Variants in WIPF1 observed in about 807,000 individuals in gnomAD.
WIPF1 encodes the protein WAS/WASL interacting protein family member 1, also known as WAS/WASL-interacting protein family member 1.
In WIPF1, 13 loss-of-function variants were observed where a neutral mutation model predicts 35.4. The ratio of observed to expected loss-of-function variants is 0.37; its 90% CI spans 0.24 to 0.58. The LOEUF is 0.58. Among genes scored for constraint, WIPF1 ranks in the 20% least tolerant of loss-of-function variants. WIPF1 has a pLI of 0.74. For synonymous variants in WIPF1, 267 were observed against 266.3 expected, an observed-to-expected ratio of 1.00 and a Z score of -0.02; for missense variants, 591 against 667.0, an observed-to-expected ratio of 0.89 and a Z score of 1.25.
At chr2:174,585,029 G>A (rs192992116) in intron 2 of WIPF1, among the ~76,000 whole-genome samples, 1 of 152,314 alleles carries the variant, frequency 6.6e-6, no homozygotes, top group East Asian at 1.9e-4. Context: ...GGTGGTGGAG[G>A]GAGATATTTG....
intron 1 of WIPF1, chr2:174,634,497 CA>C (rs965789636): frequency 1.3e-5 from 2 of 152,176 alleles, no homozygotes; most frequent in African/African-American, 4.8e-5. Flanking sequence ...AAAAGTTTTC[CA>C]GGGGGCAAAA....
At chr2:174,641,180 C>T (rs562613117) in intron 1 of WIPF1, among the ~76,000 whole-genome samples, 3 of 152,318 alleles carry the variant, frequency 2.0e-5, no homozygotes, top group South Asian at 4.1e-4. Context: ...GTGCTGGGAA[C>T]ATTGGATATC....
At chr2:174,652,969 A>G (rs1011829925) in intron 1 of WIPF1, among the ~76,000 whole-genome samples, 1 of 152,034 alleles carries the variant, frequency 6.6e-6, no homozygotes. Context: ...CCACTCCTCT[A>G]TGAGAAAATA....
chr2:174,585,391 G>A (rs1685376688), intron 2 of WIPF1, 132 bp downstream of exon 2: 4 of 923,504 alleles, frequency 4.3e-6, no homozygotes, highest in South Asian at 2.9e-5. Context: ...CTTACCCTGG[G>A]CACTGGGAAA....
chr2:174,613,924 T>C (rs934510571), intron 1 of WIPF1, among the ~76,000 whole-genome samples: 17 of 152,252 alleles, frequency 1.1e-4, no homozygotes, highest in African/African-American at 3.1e-4. Flanking sequence ...GCTAATCATT[T>C]GAGTCTCCAT....
At chr2:174,603,627 G>C (rs1686071546) in intron 1 of WIPF1, among the ~76,000 whole-genome samples, 1 of 152,224 alleles carries the variant, frequency 6.6e-6, no homozygotes, top group Non-Finnish European at 1.5e-5. Context: ...AGATCCACAG[G>C]AAAGAGATAA....
chr2:174,627,259 CA>C (rs759030634), intron 1 of WIPF1, among the ~76,000 whole-genome samples: 4 of 152,134 alleles, frequency 2.6e-5, no homozygotes, highest in Non-Finnish European at 5.9e-5. Flanking sequence ...TTTTTGTCCA[CA>C]TCTTTTAACT....
At chr2:174,657,158 T>C (rs187290319) in intron 1 of WIPF1, among the ~76,000 whole-genome samples, 29 of 152,342 alleles carry the variant, frequency 1.9e-4, no homozygotes, top group East Asian at 1.2e-3. Flanking sequence ...CTTCTAATAA[T>C]TGCTTTTCTT....
intron 1 of WIPF1, among the ~76,000 whole-genome samples, chr2:174,591,480 T>G (rs1685605259): frequency 6.6e-6 from 1 of 152,176 alleles, no homozygotes; most frequent in Non-Finnish European, 1.5e-5. Flanking sequence ...TGTAAGTGAC[T>G]GCCAAAGGTT....
intron 1 of WIPF1, among the ~76,000 whole-genome samples, chr2:174,620,820 G>T (rs1034985168): frequency 6.6e-6 from 1 of 152,228 alleles, no homozygotes; most frequent in Non-Finnish European, 1.5e-5. Flanking sequence ...ACAGAGGCAC[G>T]TGAGCTGTGC....
chr2:174,652,816 A>C (rs534975884), intron 1 of WIPF1, among the ~76,000 whole-genome samples: 27 of 152,122 alleles, frequency 1.8e-4, no homozygotes, highest in African/African-American at 2.4e-5. Flanking sequence ...AACAAAAAAA[A>C]ACTTCATTTT....
rs929477277 is a variant in WIPF1 at position 174,622,576 on chromosome 2, C to T, written c.-38-36965G>A. Among the ~76,000 whole-genome samples the T allele has an allele frequency of 3.9e-5, 6 of 152,144 alleles. No individual in the cohort carries two copies. The highest frequency in any genetic ancestry group is 1.4e-4 in the African/African-American group (6 of 41,434). On this transcript the variant is annotated intron_variant, in intron 1 of 8. Transcript: ENST00000272746. The surrounding 1 kb of genome is among the most constrained non-coding windows in gnomAD (Gnocchi z 5.1). ...GGATCCCCTCTCTATGCCGCCAGTG[C>T]TCCGTGGGGTGCGCCTATCCTAACT...
chr2:174,603,607 T>C (rs1686070922), intron 1 of WIPF1, among the ~76,000 whole-genome samples: 1 of 152,236 alleles, frequency 6.6e-6, no homozygotes, highest in African/African-American at 2.4e-5. Flanking sequence ...ATTTCTTGTG[T>C]CTTTTAGTAA....
chr2:174,672,391 G>T lies in WIPF1; in HGVS notation c.-39+10383C>A, dbSNP rs559368693. Among the ~76,000 whole-genome samples, 14 of 152,184 alleles carry T rather than the reference G, an allele frequency of 9.2e-5. No individual in the cohort carries two copies. In the East Asian group the frequency reaches 2.7e-3, roughly 29 times the overall value. On this transcript the variant is annotated intron_variant, in intron 1 of 8. Transcript: ENST00000272746. ...AAATACTATTACAAAAAACAACCTC[G>T]GTGCAATAGAAAGACTTCAGTGTTT... is the stretch of plus-strand genomic sequence containing the variant.
chr2:174,677,814 G>A (rs541922970), intron 1 of WIPF1, among the ~76,000 whole-genome samples: 1 of 152,190 alleles, frequency 6.6e-6, no homozygotes, highest in Admixed American at 6.5e-5. Context: ...CATACGAAAG[G>A]AAAGTGCAGT....
At chr2:174,620,283 T>C (rs1330224219) in intron 1 of WIPF1, among the ~76,000 whole-genome samples, 2 of 152,200 alleles carry the variant, frequency 1.3e-5, no homozygotes, top group East Asian at 3.9e-4. Flanking sequence ...TATACTTGAC[T>C]TGCAACTAGA....
At position 174,577,478 on chromosome 2, in the gene WIPF1, T is replaced by C. The variant is rs1282884925; in HGVS notation, c.182-2098A>G. On this transcript the variant is annotated intron_variant, in intron 3 of 7. Transcript: ENST00000679041. ...TGAATTATTGGTTTGAAATAGGTTT[T>C]TTCCCTTTCTAAATATTCAGTCTGT... Among the ~76,000 whole-genome samples the C allele has an allele frequency of 2.0e-5, 3 of 152,236 alleles. No homozygotes were observed. The East Asian group carries it at 5.8e-4, about 29-fold the overall frequency.
intron 3 of WIPF1, 189 bp from the exon 4 acceptor site, chr2:174,575,569 GC>G: frequency 2.0e-6 from 2 of 1,000,492 alleles, no homozygotes; most frequent in Non-Finnish European, 2.8e-6. Context: ...GCAGTCCCAA[GC>G]CCAGTGGTGG....
chr2:174,589,341 G>A (rs565244199), intron 1 of WIPF1, among the ~76,000 whole-genome samples: 1 of 152,364 alleles, frequency 6.6e-6, no homozygotes, highest in African/African-American at 2.4e-5. Context: ...CCACCGCACT[G>A]TGAGATCTGG....
Sources: allele counts gnomAD v4.1 joint callset (sites outside exome capture counted in the v4.1 genomes callset), GRCh38; gene constraint gnomAD v4.1.1; non-coding constraint Gnocchi (gnomAD v3.1); transcripts MANE v1.5; gene names NCBI Gene and HGNC (gene_info 2026-07-23, HGNC 2026-07-21).